The following SLC25A38 variants were observed in gnomAD, a reference collection of about 807,000 sequenced individuals.
SLC25A38 encodes solute carrier family 25 member 38, also known as mitochondrial glycine transporter.
Under a neutral mutation model 33.4 loss-of-function variants are expected in SLC25A38, and 27 were observed. The ratio of observed to expected loss-of-function variants is 0.81; its 90% CI spans 0.60 to 1.11. The LOEUF is 1.11. SLC25A38 is among the 50% of genes most tolerant of loss of function. The probability of loss-of-function intolerance (pLI) is 0.00; values close to 1 mark genes in which losing one functional copy is unlikely to be tolerated. For synonymous variants in SLC25A38, 123 were observed against 145.9 expected, an observed-to-expected ratio of 0.84 and a Z score of 1.13; for missense variants, 344 against 388.8, an observed-to-expected ratio of 0.88 and a Z score of 0.97.
intron 6 of SLC25A38, among the ~76,000 whole-genome samples, chr3:39,394,870 T>C (rs2041810475): frequency 6.6e-6 from 1 of 152,112 alleles, no homozygotes; most frequent in African/African-American, 2.4e-5. Flanking sequence ...TGCAGATTGC[T>C]GAACTCTACC....
Position 39,391,982 on chromosome 3 carries a change from C to G in SLC25A38, c.586C>G (p.Leu196Val). The G allele has an allele frequency of 6.2e-7, 1 of 1,614,174 alleles. No homozygotes were observed. The highest frequency in any genetic ancestry group is 8.5e-7 in the Non-Finnish European group (1 of 1,180,036). ...LRDAPFSGIY[L>V]MFYNQTKNIV... ...AGATGCGCCCTTCTCAGGAATCTAC[C>G]TGATGTTTTACAACCAGACCAAAAA... Residue 196 changes from leucine to valine, a missense_variant, in exon 5 of 7, where the codon CTG (leucine) becomes GTG (valine). Leu to Val is a conservative substitution (Grantham distance 32). Around this residue, in one of 2 missense-constraint regions of SLC25A38, gnomAD observed 269 missense variants for 271.8 expected, o/e 0.99. Coordinates refer to ENST00000650617, the MANE Select transcript of SLC25A38 (RefSeq NM_017875.4).
At position 39,393,159 on chromosome 3, in the gene SLC25A38, G is replaced by A. The variant is rs138925637; in HGVS notation, c.625+1138G>A. On this transcript the variant is annotated intron_variant, in intron 5 of 6. Coordinates refer to ENST00000650617, the MANE Select transcript of SLC25A38 (RefSeq NM_017875.4). Reference sequence around the variant, plus strand: ...AATTAGCTGGGCATGGGTGGCACATGCCTGTAATCCCAGCTGCTTGGGAGG... The same window carrying A: ...AATTAGCTGGGCATGGGTGGCACATACCTGTAATCCCAGCTGCTTGGGAGG... 8.9e-3 allele frequency among the ~76,000 whole-genome samples: 1,349 copies of A among 152,240 alleles called. 12 individuals are homozygous for A. Among genetic ancestry groups the A allele is most frequent in the Non-Finnish European group, 0.012 (807 of 68,018 alleles).
chr3:39,386,922 G>A (rs528310517), intron 1 of SLC25A38, among the ~76,000 whole-genome samples: 8 of 152,342 alleles, frequency 5.3e-5, no homozygotes, highest in South Asian at 2.1e-4. Flanking sequence ...ATCTGAGTAC[G>A]TGGCTGTGTG....
intron 6 of SLC25A38, 56 bp from the exon 7 acceptor site, chr3:39,396,342 T>C: frequency 6.2e-7 from 1 of 1,613,536 alleles, no homozygotes; most frequent in South Asian, 1.1e-5. Flanking sequence ...ACCAAGTGGA[T>C]AATTAATTGT....
At chr3:39,385,157 T>C (rs2041696244) in intron 1 of SLC25A38, among the ~76,000 whole-genome samples, 1 of 152,210 alleles carries the variant, frequency 6.6e-6, no homozygotes, top group Non-Finnish European at 1.5e-5. Context: ...CCATTCACCA[T>C]TGACAAAAAT....
chr3:39,391,625 G>A lies in SLC25A38; in HGVS notation c.456+5G>A. On this transcript the variant is annotated splice_donor_5th_base_variant and intron_variant, in intron 4 of 6. Transcript: ENST00000650617. ...GTAATCAAGACGCGCTATGAGGTGAGTTCAACCACTTTAGGGCCTCAGGAT... is the reference window on the plus strand; with the variant it reads ...GTAATCAAGACGCGCTATGAGGTGAATTCAACCACTTTAGGGCCTCAGGAT... 1 of 1,614,198 alleles carries A rather than the reference G, an allele frequency of 6.2e-7. No individual in the cohort carries two copies. The highest frequency in any genetic ancestry group is 1.3e-5 in the African/African-American group (1 of 75,052).
chr3:39,386,222 C>G (rs145492375), intron 1 of SLC25A38, among the ~76,000 whole-genome samples: 1 of 152,082 alleles, frequency 6.6e-6, no homozygotes, highest in African/African-American at 2.4e-5. Context: ...TCAAATTTCA[C>G]AAAACATTAT....
rs2041830810 is a variant in SLC25A38 at position 39,396,393 on chromosome 3, CATAGGACT to C, written c.793-2_798del. ...CCAGAGTTCTGACATTTATTTTCACCATAGGACTATGGACTACGTGGCTTCTTCCAAGG... is the reference window on the plus strand; with the variant it reads ...CCAGAGTTCTGACATTTATTTTCACCATGGACTACGTGGCTTCTTCCAAGG... On this transcript the variant is annotated splice_acceptor_variant and splice_polypyrimidine_tract_variant and coding_sequence_variant and intron_variant, in exon 7 of 7. Transcript: ENST00000650617. LOFTEE classifies it high-confidence loss of function. 1.2e-6 allele frequency: 2 copies of C among 1,614,022 alleles called. No homozygotes were observed. The highest frequency in any genetic ancestry group is 2.7e-5 in the African/African-American group (2 of 74,978).
At chr3:39,395,674 A>G (rs1311801451) in intron 6 of SLC25A38, among the ~76,000 whole-genome samples, 1 of 152,066 alleles carries the variant, frequency 6.6e-6, no homozygotes, top group Non-Finnish European at 1.5e-5. Flanking sequence ...CCAAGAGCAT[A>G]CAGTGAATTA....
chr3:39,395,908 CA>C (rs34695883), intron 6 of SLC25A38, among the ~76,000 whole-genome samples: 1 of 144,866 alleles, frequency 6.9e-6, no homozygotes, highest in African/African-American at 2.6e-5. Flanking sequence ...CCAGCAACTA[CA>C]AAAAAAAAAA....
chr3:39,394,139 A>T (rs2041804278), intron 5 of SLC25A38, among the ~76,000 whole-genome samples: 2 of 152,176 alleles, frequency 1.3e-5, no homozygotes, highest in South Asian at 4.1e-4. Flanking sequence ...ATCTGTATAA[A>T]CATCCTGTTT....
At position 39,396,832 on chromosome 3, in the gene SLC25A38, C is replaced by A. The variant is rs2041836453; in HGVS notation, c.*312C>A. ...GCTCTGTCAGGTGGCTGCGCTTCAG[C>A]CCCACCCCTACACCACAGGGTCTCC... On this transcript the variant is annotated 3_prime_UTR_variant, in exon 7 of 7. Transcript: ENST00000650617. 2.5e-6 allele frequency: 1 copy of A among 398,370 alleles called. No homozygotes were observed. The highest frequency in any genetic ancestry group is 2.1e-5 in the African/African-American group (1 of 48,550). The allele number at this position is 398,370 out of a possible 1,614,324, so 24.7% of individuals were successfully genotyped here. A position where few individuals can be genotyped will look rare whatever the true frequency, so the allele number is the denominator to read the frequency against.
chr3:39,396,623 A>G lies in SLC25A38; in HGVS notation c.*103A>G. The G allele has an allele frequency of 6.3e-7, 1 of 1,593,884 alleles. No individual in the cohort carries two copies. Among genetic ancestry groups the G allele is most frequent in the African/African-American group, 1.3e-5 (1 of 74,616 alleles). ...GCAGTAAGATGAAGTCCTACCTGGA[A>G]AACCAGGCAGAAATTGTGTTGCCTT... On this transcript the variant is annotated 3_prime_UTR_variant, in exon 7 of 7. Transcript: ENST00000650617.
chr3:39,391,966 C>G lies in SLC25A38; in HGVS notation c.570C>G (p.Pro190=). ...GLTATLLRDA[P]FSGIYLMFYN... is the part of the protein sequence containing the mutation. ...CAGCAACTCTCCTTCGAGATGCGCC[C>G]TTCTCAGGAATCTACCTGATGTTTT... The change falls in exon 5 of 7, where the codon CCC becomes CCG. Residue 190 remains proline (P), a synonymous_variant. Coordinates refer to ENST00000650617, the MANE Select transcript of SLC25A38 (RefSeq NM_017875.4). The G allele has an allele frequency of 6.2e-7, 1 of 1,614,210 alleles. No individual in the cohort carries two copies. Among genetic ancestry groups the G allele is most frequent in the Admixed American group, 1.7e-5 (1 of 60,028 alleles).
rs778318538 is a variant in SLC25A38, at chr3:39,394,498, G to T, written c.714G>T (p.Ala238=). 1 of 1,614,104 alleles carries T rather than the reference G, an allele frequency of 6.2e-7. No homozygotes were observed. Among genetic ancestry groups the T allele is most frequent in the Admixed American group, 1.7e-5 (1 of 60,020 alleles). ...TGGCCTCACTGGTAACTCAACCTGCGGATGTTATCAAAACTCATATGCAGC... is the reference window on the plus strand; with the variant it reads ...TGGCCTCACTGGTAACTCAACCTGCTGATGTTATCAAAACTCATATGCAGC... ...GILASLVTQP[A]DVIKTHMQLY... Residue 238 remains alanine (A), a synonymous_variant, in exon 6 of 7, where the codon GCG becomes GCT. Coordinates refer to ENST00000650617, the MANE Select transcript of SLC25A38 (RefSeq NM_017875.4).
Position 39,394,413 on chromosome 3 carries a change from A to T in SLC25A38, c.629A>T (p.Gln210Leu). 1 of 1,612,662 alleles carries T rather than the reference A, an allele frequency of 6.2e-7. No individual in the cohort carries two copies. The highest frequency in any genetic ancestry group is 8.5e-7 in the Non-Finnish European group (1 of 1,179,988). ...TGTTACCTTTGTTCTATTTCAGACC[A>T]GGTGGATGCAACCCTTATTCCTATT... The part of the protein sequence containing the change: ...NQTKNIVPHD[Q>L]VDATLIPITN... The change falls in exon 6 of 7, where the codon CAG becomes CTG. Residue 210 changes from glutamine to leucine, a missense_variant. Around this residue, in one of 2 missense-constraint regions of SLC25A38, gnomAD observed 269 missense variants for 271.8 expected, o/e 0.99. Coordinates refer to ENST00000650617, the MANE Select transcript of SLC25A38 (RefSeq NM_017875.4).
intron 1 of SLC25A38, among the ~76,000 whole-genome samples, chr3:39,387,411 G>T (rs1473907163): frequency 6.6e-6 from 1 of 152,178 alleles, no homozygotes; most frequent in Non-Finnish European, 1.5e-5. Flanking sequence ...GACTGCTGCA[G>T]AGGTCATTAG....
At chr3:39,386,004 G>A (rs776514110) in intron 1 of SLC25A38, among the ~76,000 whole-genome samples, 18 of 152,218 alleles carry the variant, frequency 1.2e-4, no homozygotes, top group Non-Finnish European at 2.2e-4. Flanking sequence ...TGTGATACAT[G>A]AAAGGCCCTG....
intron 1 of SLC25A38, among the ~76,000 whole-genome samples, chr3:39,384,227 G>A (rs1043216326): frequency 6.6e-6 from 1 of 152,236 alleles, no homozygotes; most frequent in African/African-American, 2.4e-5. Flanking sequence ...GTGCGCCCGC[G>A]GGCGGCGGCC....
Sources: gnomAD v4.1 joint callset for allele counts (sites outside exome capture counted in the v4.1 genomes callset) on GRCh38, gnomAD v4.1.1 for gene constraint, gnomAD v4.1.1 regional missense constraint, MANE v1.5 for transcripts, NCBI Gene and HGNC (gene_info 2026-07-23, HGNC 2026-07-21) for gene names.